SPTSSA: variants seen among roughly 807,000 people sequenced by gnomAD.
The protein encoded by SPTSSA is serine palmitoyltransferase small subunit A, also known as small subunit of serine palmitoyltransferase A.
Under a neutral mutation model 9.1 loss-of-function variants are expected in SPTSSA, and 8 were observed. The observed-to-expected ratio is 0.88, with a 90% CI of 0.51 to 1.58. The LOEUF (loss-of-function observed/expected upper bound fraction) is 1.58. Among genes scored for constraint, SPTSSA ranks in the 40% most tolerant of loss-of-function variants. The pLI is 0.00. For synonymous variants in SPTSSA, 42 were observed against 37.7 expected, an observed-to-expected ratio of 1.11 and a Z score of -0.41; for missense variants, 100 against 93.8, an observed-to-expected ratio of 1.07 and a Z score of -0.27.
intron 1 of SPTSSA, among the ~76,000 whole-genome samples, chr14:34,446,208 G>A (rs1883420049): frequency 6.6e-6 from 1 of 152,178 alleles, no homozygotes; most frequent in Non-Finnish European, 1.5e-5. Flanking sequence ...TTGGGTTCAT[G>A]GTCTCACAAC....
Position 34,433,974 on chromosome 14 carries a change from AAC to A in SPTSSA, c.*1225_*1226del, listed in dbSNP as rs869150422. The A allele has an allele frequency of 0.013, 1,851 of 140,742 alleles. 52 individuals are homozygous for A. The highest frequency in any genetic ancestry group is 0.057 in the African/African-American group (1,760 of 30,898). 8.7% of individuals were successfully genotyped at this position (140,742 alleles called of 1,614,324 possible). A position where few individuals can be genotyped will look rare whatever the true frequency, so the allele number is the denominator to read the frequency against. ...CAAGACTCCGTCTCAAAAAAAAAAA[AAC>A]AAAAAAACAACCCAGCAACACACAT... is the stretch of plus-strand genomic sequence containing the variant. On this transcript the variant is annotated 3_prime_UTR_variant, in exon 2 of 2. Coordinates refer to ENST00000298130, the MANE Select transcript of SPTSSA (RefSeq NM_138288.4).
chr14:34,443,169 G>T lies in SPTSSA; in HGVS notation c.113-7865C>A, dbSNP rs566932632. 8.6e-5 allele frequency among the ~76,000 whole-genome samples: 7 copies of T among 81,390 alleles called. 2 individuals carry two copies. In the South Asian group the frequency reaches 2.6e-3, roughly 30 times the overall value. 53.4% of individuals were successfully genotyped at this position (81,390 alleles called of 152,430 possible). ...TGTGTGTGTGTGTGTGTGTGTGTGT[G>T]TGTTTTGAGATTGAGTTTTCCTCTA... On this transcript the variant is annotated intron_variant, in intron 1 of 1. Coordinates refer to ENST00000298130, the MANE Select transcript of SPTSSA (RefSeq NM_138288.4).
At chr14:34,447,776 G>C (rs1458258915) in intron 1 of SPTSSA, among the ~76,000 whole-genome samples, 2 of 152,172 alleles carry the variant, frequency 1.3e-5, no homozygotes, top group Non-Finnish European at 2.9e-5. Context: ...ACAAGGTTTT[G>C]TTTTTTCTTC....
In SPTSSA at chr14:34,449,452, G is replaced by A. The variant is rs148588978; in HGVS notation, c.112+12644C>T. On this transcript the variant is annotated intron_variant, in intron 1 of 1. Coordinates refer to ENST00000298130, the MANE Select transcript of SPTSSA (RefSeq NM_138288.4). ...CCTGACCTGGTGATCCACCCACCTCGGCCTCCCAAAGTGCTGGGATTACAG... is the reference window on the plus strand; with the variant it reads ...CCTGACCTGGTGATCCACCCACCTCAGCCTCCCAAAGTGCTGGGATTACAG... Among the ~76,000 whole-genome samples the A allele has an allele frequency of 9.9e-3, 1,471 of 148,674 alleles. 28 individuals carry two copies. The highest frequency in any genetic ancestry group is 0.035 in the African/African-American group (1,400 of 40,224).
At chr14:34,458,225 G>C (rs1167567768) in intron 1 of SPTSSA, among the ~76,000 whole-genome samples, 1 of 151,638 alleles carries the variant, frequency 6.6e-6, no homozygotes, top group Non-Finnish European at 1.5e-5. Context: ...CTTTTGAACA[G>C]GCTGTCACCT....
chr14:34,435,434 A>T (rs201592473), intron 1 of SPTSSA, 130 bp from the exon 2 acceptor site: 31 of 540,276 alleles, frequency 5.7e-5, no homozygotes, highest in Admixed American at 4.4e-4. Flanking sequence ...AAGCACTGAT[A>T]AAAAAAACAA....
chr14:34,452,912 AGG>A (rs1883553214), intron 1 of SPTSSA, among the ~76,000 whole-genome samples: 3 of 152,200 alleles, frequency 2.0e-5, no homozygotes, highest in Non-Finnish European at 1.5e-5. Flanking sequence ...GAAAATAATT[AGG>A]TGACCCTTGA....
chr14:34,434,280 G>A lies in SPTSSA; in HGVS notation c.*921C>T, dbSNP rs1883205102. The A allele has an allele frequency of 6.6e-6, 1 of 152,358 alleles. No individual in the cohort carries two copies. The highest frequency in any genetic ancestry group is 1.9e-4 in the East Asian group (1 of 5,196). 9.4% of individuals were successfully genotyped at this position (152,358 alleles called of 1,614,324 possible). On this transcript the variant is annotated 3_prime_UTR_variant, in exon 2 of 2. Transcript: ENST00000298130. Reference sequence around the variant, plus strand: ...CAAAGAGTGAAAGGATTTTAACCAAGTTTACATTTCTTTTTGCTATAATTT... The same window carrying A: ...CAAAGAGTGAAAGGATTTTAACCAAATTTACATTTCTTTTTGCTATAATTT...
At chr14:34,443,231 GTGTGTGT>G in intron 1 of SPTSSA, among the ~76,000 whole-genome samples, 1 of 82,746 alleles carries the variant, frequency 1.2e-5, no homozygotes, top group African/African-American at 5.7e-5. Flanking sequence ...GTGTGTGTGT[GTGTGTGT>G]TTTGAGATGG....
At chr14:34,461,431 AAC>A (rs147400675) in intron 1 of SPTSSA, among the ~76,000 whole-genome samples, 1,950 of 152,276 alleles carry the variant, frequency 0.013, 38 homozygotes, top group African/African-American at 0.039. Flanking sequence ...TATCCACCAA[AAC>A]ACAGTTTCAA....
intron 1 of SPTSSA, among the ~76,000 whole-genome samples, chr14:34,443,679 G>A (rs1002284831): frequency 6.6e-6 from 1 of 151,956 alleles, no homozygotes. Flanking sequence ...GGGATTACAG[G>A]TGCCCGCCAC....
In SPTSSA at chr14:34,458,663, ATT is replaced by A. The variant is rs35426259; in HGVS notation, c.112+3431_112+3432del. On this transcript the variant is annotated intron_variant, in intron 1 of 1. Transcript: ENST00000298130. ...AGTCGTGCGCCACCACACTCAGCTAATTTTTTTTTTTTTTTTTTTTTTTTGGT... is the reference window on the plus strand; with the variant it reads ...AGTCGTGCGCCACCACACTCAGCTAATTTTTTTTTTTTTTTTTTTTTTGGT... Among the ~76,000 whole-genome samples, 455 of 89,626 alleles carry A rather than the reference ATT, an allele frequency of 5.1e-3. 3 individuals are homozygous for A. The highest frequency in any genetic ancestry group is 0.021 in the African/African-American group (418 of 19,762). 58.8% of individuals were successfully genotyped at this position (89,626 alleles called of 152,430 possible).
At chr14:34,458,889 C>A (rs917608703) in intron 1 of SPTSSA, among the ~76,000 whole-genome samples, 3 of 150,688 alleles carry the variant, frequency 2.0e-5, no homozygotes, top group African/African-American at 7.4e-5. Flanking sequence ...TTATCAATTT[C>A]CCCTGAAATT....
At chr14:34,448,745 G>A (rs1460269414) in intron 1 of SPTSSA, among the ~76,000 whole-genome samples, 2 of 152,036 alleles carry the variant, frequency 1.3e-5, no homozygotes, top group African/African-American at 4.8e-5. Flanking sequence ...CCAATTCTTT[G>A]TTCAAGATGC....
At chr14:34,445,171 T>A (rs1298580614) in intron 1 of SPTSSA, among the ~76,000 whole-genome samples, 1 of 152,074 alleles carries the variant, frequency 6.6e-6, no homozygotes, top group African/African-American at 2.4e-5. Flanking sequence ...TTTTTTTTCT[T>A]TTTGGTAAAA....
intron 1 of SPTSSA, among the ~76,000 whole-genome samples, chr14:34,442,064 T>C (rs539011845): frequency 2.0e-5 from 3 of 152,052 alleles, no homozygotes; most frequent in Non-Finnish European, 4.4e-5. Flanking sequence ...TTAGTAGAGA[T>C]GCGGCTTCAC....
intron 1 of SPTSSA, among the ~76,000 whole-genome samples, chr14:34,449,869 A>G (rs1883489978): frequency 6.6e-6 from 1 of 152,230 alleles, no homozygotes; most frequent in South Asian, 2.1e-4. Context: ...ATAACAGAGT[A>G]TACCGGCTAT....
chr14:34,454,275 G>A (rs1883575736), intron 1 of SPTSSA, among the ~76,000 whole-genome samples: 1 of 152,164 alleles, frequency 6.6e-6, no homozygotes, highest in African/African-American at 2.4e-5. Context: ...TTAAGAAAAT[G>A]GAGACAGGAC....
Position 34,443,134 on chromosome 14 carries a change from GGTGTGTGTGT to G in SPTSSA, c.113-7840_113-7831del, listed in dbSNP as rs376742613. Among the ~76,000 whole-genome samples the G allele has an allele frequency of 5.1e-3, 189 of 36,894 alleles. 4 individuals carry two copies. The highest frequency in any genetic ancestry group is 0.029 in the African/African-American group (123 of 4,240). 24.2% of individuals were successfully genotyped at this position (36,894 alleles called of 152,430 possible). On this transcript the variant is annotated intron_variant, in intron 1 of 1. Transcript: ENST00000298130. ...TTCAAGCGATTCTCCTGCTTCTAGGGGTGTGTGTGTGTGTGTGTGTGTGTGTGTGTGTGTG... is the reference window on the plus strand; with the variant it reads ...TTCAAGCGATTCTCCTGCTTCTAGGGGTGTGTGTGTGTGTGTGTGTGTGTG...
Sources: gnomAD v4.1 joint callset for allele counts (sites outside exome capture counted in the v4.1 genomes callset) on GRCh38, gnomAD v4.1.1 for gene constraint, MANE v1.5 for transcripts, NCBI Gene and HGNC (gene_info 2026-07-23, HGNC 2026-07-21) for gene names.